SNX13: variants seen among roughly 807,000 people sequenced by gnomAD.
The protein encoded by SNX13 is sorting nexin-13.
Under a neutral mutation model 133.6 loss-of-function variants are expected in SNX13, and 45 were observed. That is an observed-to-expected ratio of 0.34 (90% CI 0.27 to 0.43). The LOEUF (loss-of-function observed/expected upper bound fraction) is 0.43. Among genes scored for constraint, SNX13 ranks in the 20% least tolerant of loss-of-function variants. SNX13 has a pLI of 1.00. For missense variants in SNX13, 1,032 were observed against 1,145.1 expected, an observed-to-expected ratio of 0.90 and a Z score of 1.43; for synonymous variants, 414 against 373.9, an observed-to-expected ratio of 1.11 and a Z score of -1.24.
chr7:17,936,742 A>G (rs529934025), intron 1 of SNX13, among the ~76,000 whole-genome samples: 1 of 152,210 alleles, frequency 6.6e-6, no homozygotes, highest in South Asian at 2.1e-4. Context: ...ATGTTGTGAA[A>G]ACTCGGATTA....
chr7:17,821,745 C>CA (rs1562701260), intron 17 of SNX13, 97 bp from the exon 18 acceptor site: 3 of 1,336,164 alleles, frequency 2.2e-6, no homozygotes, highest in Admixed American at 4.8e-5. Flanking sequence ...ATGAAGAAAA[C>CA]AAAAAAGATA....
intron 12 of SNX13, among the ~76,000 whole-genome samples, chr7:17,841,561 C>CACAT (rs1430367088): frequency 6.6e-6 from 1 of 150,640 alleles, no homozygotes; most frequent in East Asian, 1.9e-4. Context: ...CATACACACA[C>CACAT]ACACACACAC....
intron 17 of SNX13, among the ~76,000 whole-genome samples, chr7:17,823,653 T>A (rs1279144899): frequency 1.3e-5 from 2 of 152,230 alleles, no homozygotes; most frequent in Non-Finnish European, 1.5e-5. Flanking sequence ...AGTAGCACTA[T>A]TATTCACTGT....
chr7:17,868,276 G>A, intron 9 of SNX13, 131 bp downstream of exon 9: 1 of 678,904 alleles, frequency 1.5e-6, no homozygotes. Context: ...TGGAAACACA[G>A]AGATTACTTC....
chr7:17,819,845 G>A (rs1361784347), intron 18 of SNX13, among the ~76,000 whole-genome samples: 1 of 151,716 alleles, frequency 6.6e-6, no homozygotes, highest in Non-Finnish European at 1.5e-5. Flanking sequence ...AAACACTTAG[G>A]TAATCACAAC....
chr7:17,825,615 C>G (rs982022988), intron 17 of SNX13, among the ~76,000 whole-genome samples: 2 of 152,138 alleles, frequency 1.3e-5, no homozygotes, highest in Non-Finnish European at 2.9e-5. Flanking sequence ...CTGCAAACCC[C>G]TATACCTGGG....
At chr7:17,898,324 A>G (rs1306278092) in intron 1 of SNX13, 1 of 152,230 alleles carries the variant, frequency 6.6e-6, no homozygotes, top group Non-Finnish European at 1.5e-5. Flanking sequence ...ACAATTAGAT[A>G]CTGAACCAAA....
intron 9 of SNX13, among the ~76,000 whole-genome samples, chr7:17,859,415 G>A (rs1792343251): frequency 6.6e-6 from 1 of 152,018 alleles, no homozygotes; most frequent in Non-Finnish European, 1.5e-5. Flanking sequence ...GATTGACAAT[G>A]CTAAATGTTA....
chr7:17,927,274 A>C (rs1353666487), intron 1 of SNX13, among the ~76,000 whole-genome samples: 1 of 151,212 alleles, frequency 6.6e-6, no homozygotes, highest in Non-Finnish European at 1.5e-5. Context: ...ACAGTGTCTC[A>C]CTCTGTTGCC....
rs773289776 is a variant in SNX13 at position 17,845,591 on chromosome 7, C to A, written c.1165+4G>T. The A allele has an allele frequency of 1.9e-6, 3 of 1,560,080 alleles. No individual in the cohort carries two copies. Among genetic ancestry groups the A allele is most frequent in the East Asian group, 2.3e-5 (1 of 43,768 alleles). ...TATCATTTAAATAGAATTGATCTAC[C>A]TACCCATAAAAAATTGTAGTGCAAC... On this transcript the variant is annotated splice_donor_region_variant and intron_variant, in intron 12 of 25. Transcript: ENST00000428135.
At chr7:17,922,214 C>G (rs1209400293) in intron 1 of SNX13, among the ~76,000 whole-genome samples, 2 of 152,196 alleles carry the variant, frequency 1.3e-5, no homozygotes, top group African/African-American at 4.8e-5. Context: ...TTGGAGGAGT[C>G]CTGTTCTAGT....
At chr7:17,830,227 T>G (rs1300623073) in intron 15 of SNX13, 180 bp from the exon 16 acceptor site, 57 of 982,128 alleles carry the variant, frequency 5.8e-5, no homozygotes, top group Non-Finnish European at 6.8e-5. Context: ...AGTCCCATGG[T>G]TTTCTAAGAC....
At chr7:17,817,769 T>C (rs1007815488) in intron 18 of SNX13, among the ~76,000 whole-genome samples, 2 of 152,198 alleles carry the variant, frequency 1.3e-5, no homozygotes, top group Admixed American at 1.3e-4. Context: ...GAAGTAAATT[T>C]ACTTTTTCAA....
At chr7:17,796,570 T>C (rs1784077829) in intron 25 of SNX13, 1 of 362,522 alleles carries the variant, frequency 2.8e-6, no homozygotes, top group African/African-American at 2.0e-5. Context: ...CTATAAACCT[T>C]GGATAGGTTA....
In SNX13 at chr7:17,940,441, G is replaced by A. The variant is rs1472336580; in HGVS notation, c.-146C>T. The stretch of plus-strand genomic sequence containing the variant: ...GGCGGCGGTTTTACTCGGCTTCGCT[G>A]GCCTCCCCTCGGCCCGGTCGCTCGC... On this transcript the variant is annotated 5_prime_UTR_variant, in exon 1 of 26. It introduces an in-frame stop codon into an upstream open reading frame of the 5' UTR. Coordinates refer to ENST00000428135, the MANE Select transcript of SNX13 (RefSeq NM_015132.5). 1.1e-6 allele frequency: 1 copy of A among 894,148 alleles called. No homozygotes were observed. The highest frequency in any genetic ancestry group is 1.8e-6 in the Non-Finnish European group (1 of 557,590). The allele number at this position is 894,148 out of a possible 1,614,324, so 55.4% of individuals were successfully genotyped here. A position where few individuals can be genotyped will look rare whatever the true frequency, so the allele number is the denominator to read the frequency against.
intron 9 of SNX13, among the ~76,000 whole-genome samples, chr7:17,866,258 A>C (rs1793383811): frequency 6.6e-6 from 1 of 152,118 alleles, no homozygotes; most frequent in Non-Finnish European, 1.5e-5. Flanking sequence ...AAGAAATAAT[A>C]ACCAGAATAT....
intron 25 of SNX13, 53 bp downstream of exon 25, chr7:17,796,774 A>G (rs1177769689): frequency 5.2e-6 from 7 of 1,347,338 alleles, no homozygotes; most frequent in Non-Finnish European, 7.4e-6. Context: ...GAATGCTAAA[A>G]ACTCAGAAGA....
intron 15 of SNX13, chr7:17,832,514 T>C (rs1410994836): frequency 1.0e-6 from 1 of 978,200 alleles, no homozygotes; most frequent in African/African-American, 1.8e-5. Context: ...CTAAAATAGA[T>C]AAAATTAGTA....
Position 17,801,667 on chromosome 7 carries a change from T to C in SNX13, c.2227-8A>G, listed in dbSNP as rs767963540. On this transcript the variant is annotated splice_polypyrimidine_tract_variant and splice_region_variant and intron_variant, in intron 21 of 25. Transcript: ENST00000428135. ...AGGAATTAAAGGAGGCACCTAAAAA[T>C]AAAACCAAATCCACAAAGTAAACAC... The C allele has an allele frequency of 1.6e-5, 25 of 1,599,428 alleles. No individual in the cohort carries two copies. Among genetic ancestry groups the C allele is most frequent in the Non-Finnish European group, 2.1e-5 (25 of 1,172,662 alleles).
Sources: allele counts gnomAD v4.1 joint callset (sites outside exome capture counted in the v4.1 genomes callset), GRCh38; gene constraint gnomAD v4.1.1; transcripts MANE v1.5; gene names NCBI Gene and HGNC (gene_info 2026-07-23, HGNC 2026-07-21).